The following MSN variants were observed in gnomAD, a reference collection of about 807,000 sequenced individuals.
MSN encodes the protein epididymis luminal protein 70.
In MSN, 2 loss-of-function variants were observed where a neutral mutation model predicts 48.0. That is an observed-to-expected ratio of 0.04 (90% CI 0.02 to 0.13). The LOEUF (loss-of-function observed/expected upper bound fraction) is 0.13. Among genes scored for constraint, MSN ranks in the 10% least tolerant of loss-of-function variants. The pLI is 1.00. For synonymous variants in MSN, 146 were observed against 166.9 expected (o/e 0.87, Z 0.97); for missense variants, 267 against 470.1 (o/e 0.57, Z 3.99).
intron 1 of MSN, among the ~76,000 whole-genome samples, chrX:65,634,823 A>G (rs2070586588): frequency 9.0e-6 from 1 of 111,158 alleles, no homozygotes; most frequent in South Asian, 3.8e-4. Flanking sequence ...TGAGTGCCTG[A>G]TCCACTTGGG....
chrX:65,694,884 G>T (rs895385153), intron 1 of MSN, among the ~76,000 whole-genome samples: 6 of 111,955 alleles, frequency 5.4e-5, no homozygotes, highest in Non-Finnish European at 1.1e-4. Context: ...TAGAAAGGAT[G>T]GTTATGGGGT....
At chrX:65,608,856 A>G (rs1017371936) in intron 1 of MSN, among the ~76,000 whole-genome samples, 1 of 110,760 alleles carries the variant, frequency 9.0e-6, no homozygotes, top group Middle Eastern at 4.2e-3. Context: ...ATCAATGAGA[A>G]TTGTCCTGCT....
At chrX:65,632,339 C>G (rs942174893) in intron 1 of MSN, among the ~76,000 whole-genome samples, 2 of 111,818 alleles carry the variant, frequency 1.8e-5, no homozygotes, top group African/African-American at 6.5e-5. Context: ...TTGCCGGATG[C>G]TAACCTCTCG....
intron 1 of MSN, among the ~76,000 whole-genome samples, chrX:65,649,429 A>T (rs1292241081): frequency 9.9e-6 from 1 of 101,384 alleles, no homozygotes; most frequent in East Asian, 3.0e-4. Flanking sequence ...TACAAAAATT[A>T]GCCAGGCGTG....
intron 1 of MSN, among the ~76,000 whole-genome samples, chrX:65,598,299 G>C (rs1250729997): frequency 9.2e-6 from 1 of 108,924 alleles, no homozygotes. Flanking sequence ...AAAATAGAGA[G>C]CAGGAATTAG....
At chrX:65,711,575 A>T (rs912173110) in intron 1 of MSN, among the ~76,000 whole-genome samples, 1 of 112,743 alleles carries the variant, frequency 8.9e-6, no homozygotes, top group Non-Finnish European at 1.9e-5. Flanking sequence ...CACGTTTGAA[A>T]TTACAGTGGC....
At chrX:65,674,291 G>A (rs1006117732) in intron 1 of MSN, among the ~76,000 whole-genome samples, 1 of 111,114 alleles carries the variant, frequency 9.0e-6, no homozygotes, top group Admixed American at 9.6e-5. Context: ...GCTTGTTCGA[G>A]GTCACATATA....
chrX:65,698,532 G>A, intron 1 of MSN, among the ~76,000 whole-genome samples: 1 of 112,436 alleles, frequency 8.9e-6, no homozygotes, highest in East Asian at 2.8e-4. Flanking sequence ...TGATTTGCAT[G>A]TTCAACTTCC....
chrX:65,640,970 G>T (rs929880572), intron 1 of MSN, among the ~76,000 whole-genome samples: 6 of 109,972 alleles, frequency 5.5e-5, no homozygotes, highest in Non-Finnish European at 9.5e-5. Flanking sequence ...TTAGCTGGGC[G>T]TGGTGGCTCA....
chrX:65,694,214 C>G (rs1256420314), intron 1 of MSN, among the ~76,000 whole-genome samples: 1 of 111,774 alleles, frequency 8.9e-6, no homozygotes, highest in Non-Finnish European at 1.9e-5. Flanking sequence ...GCTGAGTTCC[C>G]TAAGTCTTTT....
In MSN at chrX:65,590,111, G is replaced by A. The variant is rs148656156; in HGVS notation, c.-22+1499G>A. ...ACTACAGGTGTGAGCCACCGGGGCC[G>A]GCCAAGAGTTTTTCTTTGACTGTAA... On this transcript the variant is annotated intron_variant, in intron 1 of 3. Coordinates refer to the MSN transcript ENST00000609672. Among the ~76,000 whole-genome samples the A allele has an allele frequency of 9.2e-3, 1,013 of 110,594 alleles. 12 individuals carry two copies. Among genetic ancestry groups the A allele is most frequent in the Admixed American group, 0.048 (501 of 10,350 alleles).
At chrX:65,616,221 G>A (rs1327045378) in intron 1 of MSN, among the ~76,000 whole-genome samples, 7 of 109,098 alleles carry the variant, frequency 6.4e-5, no homozygotes, top group Middle Eastern at 4.3e-3. Context: ...ACTTTAAAGT[G>A]GTTTTTTCCA....
intron 1 of MSN, among the ~76,000 whole-genome samples, chrX:65,619,771 G>T (rs2070415932): frequency 9.1e-6 from 1 of 109,399 alleles, no homozygotes; most frequent in African/African-American, 3.5e-5. Context: ...TCCTTTGGAG[G>T]AGGAGAGGTG....
chrX:65,723,978 G>A (rs919596973), intron 2 of MSN, among the ~76,000 whole-genome samples: 4 of 110,051 alleles, frequency 3.6e-5, no homozygotes, highest in African/African-American at 6.6e-5. Context: ...GTTCACAAAG[G>A]AAGAGACAGT....
chrX:65,715,264 G>A (rs780564662), intron 1 of MSN, among the ~76,000 whole-genome samples: 1 of 111,784 alleles, frequency 8.9e-6, no homozygotes, highest in African/African-American at 3.3e-5. Flanking sequence ...GATGCCTCCA[G>A]CTTTGTTCTT....
chrX:65,600,172 C>G (rs1423472577), intron 1 of MSN, among the ~76,000 whole-genome samples: 1 of 111,024 alleles, frequency 9.0e-6, no homozygotes, highest in Non-Finnish European at 1.9e-5. Context: ...AAAGCAGCCA[C>G]CCAAAATTCC....
At chrX:65,670,896 TTATATATATATATATATA>T (rs57076717) in intron 1 of MSN, among the ~76,000 whole-genome samples, 346 of 14,038 alleles carry the variant, frequency 0.025, 3 homozygotes, top group Non-Finnish European at 0.029. Flanking sequence ...ATGATGACAG[TTATATATATATATATATA>T]TATATATATA....
chrX:65,663,565 A>T (rs1294516538), upstream of MSN, among the ~76,000 whole-genome samples: 1 of 111,896 alleles, frequency 8.9e-6, no homozygotes, highest in Non-Finnish European at 1.9e-5. Flanking sequence ...TTGTCAAAGA[A>T]CTTAAAACAG....
chrX:65,706,612 T>G (rs2071364872), intron 1 of MSN, among the ~76,000 whole-genome samples: 1 of 112,170 alleles, frequency 8.9e-6, no homozygotes, highest in African/African-American at 3.2e-5. Flanking sequence ...TGTTTGAGTC[T>G]TAGCCAAAAT....
Sources: gnomAD v4.1 joint callset for allele counts (sites outside exome capture counted in the v4.1 genomes callset) on GRCh38, gnomAD v4.1.1 for gene constraint, MANE v1.5 for transcripts, NCBI Gene and HGNC (gene_info 2026-07-23, HGNC 2026-07-21) for gene names.